HERC1: variants seen among roughly 807,000 people sequenced by gnomAD.
HERC1 encodes the protein HECT and RLD domain containing E3 ubiquitin protein ligase family member 1.
In HERC1, 160 loss-of-function variants were observed where a neutral mutation model predicts 554.3. That is an observed-to-expected ratio of 0.29 (90% CI 0.25 to 0.33). HERC1 has a LOEUF of 0.33. Ranked by LOEUF, HERC1 falls within the 10% of genes least tolerant of loss-of-function variation. The pLI, the probability that HERC1 is intolerant of heterozygous loss-of-function variation, is 1.00. For missense variants in HERC1, 4,919 were observed against 5,918.5 expected, an observed-to-expected ratio of 0.83 and a Z score of 5.54; for synonymous variants, 2,175 against 2,131.7, an observed-to-expected ratio of 1.02 and a Z score of -0.56.
At chr15:63,707,611 GC>G (rs1445093303) in intron 24 of HERC1, among the ~76,000 whole-genome samples, 1 of 152,090 alleles carries the variant, frequency 6.6e-6, no homozygotes, top group Admixed American at 6.6e-5. Context: ...AATCCAAAAA[GC>G]TTGTGTCAAA....
intron 1 of HERC1, among the ~76,000 whole-genome samples, chr15:63,797,369 A>G (rs2144589206): frequency 6.6e-6 from 1 of 152,302 alleles, no homozygotes; most frequent in East Asian, 1.9e-4. Context: ...CACTTCCTCA[A>G]TTACTCTTAT....
At chr15:63,823,254 T>A (rs866124538) in intron 1 of HERC1, among the ~76,000 whole-genome samples, 1 of 152,116 alleles carries the variant, frequency 6.6e-6, no homozygotes, top group Admixed American at 6.6e-5. Context: ...AACAAGCAGA[T>A]GAACTATGAC....
chr15:63,637,999 A>G (rs1213067552), intron 63 of HERC1, among the ~76,000 whole-genome samples: 1 of 152,190 alleles, frequency 6.6e-6, no homozygotes. Context: ...AAAGAAGAGC[A>G]AAAGAGAAAG....
Position 63,754,535 on chromosome 15 carries a change from T to C in HERC1, c.1744A>G (p.Thr582Ala), listed in dbSNP as rs2075357742. Residue 582 changes from threonine to alanine, a missense_variant, in exon 7 of 78, where the codon ACT (threonine) becomes GCT (alanine). This residue lies in a region of HERC1 where 744 missense variants were observed against 1,090.0 expected (regional missense o/e 0.68). Transcript: ENST00000443617. The stretch of plus-strand genomic sequence containing the variant: ...TCTCCTCCTCCAAAAGACCATACAG[T>C]TCTCCCATCTTTAGACAGAGCAATA... ...HTIALSKDGR[T>A]VWSFGGGDNG... 6 of 1,612,112 alleles carry C rather than the reference T, an allele frequency of 3.7e-6. No individual in the cohort carries two copies. The highest frequency in any genetic ancestry group is 4.2e-6 in the Non-Finnish European group (5 of 1,178,954).
At chr15:63,725,768 T>C (rs768170138) in intron 17 of HERC1, among the ~76,000 whole-genome samples, 1 of 152,206 alleles carries the variant, frequency 6.6e-6, no homozygotes, top group Non-Finnish European at 1.5e-5. Context: ...AAACAACATA[T>C]GACAACATTA....
At chr15:63,777,674 A>G (rs2076154470) in intron 1 of HERC1, among the ~76,000 whole-genome samples, 1 of 152,154 alleles carries the variant, frequency 6.6e-6, no homozygotes, top group Non-Finnish European at 1.5e-5. Context: ...TTTCTTCTAA[A>G]TCTATCTTTT....
chr15:63,733,257 T>A (rs2074370299), intron 13 of HERC1, 112 bp from the exon 14 acceptor site: 1 of 689,532 alleles, frequency 1.5e-6, no homozygotes, highest in Non-Finnish European at 2.5e-6. Flanking sequence ...TAATAAATAA[T>A]CATCTTCAGG....
rs748781821 is a variant in HERC1 at position 63,638,752 on chromosome 15, T to C, written c.11926A>G (p.Met3976Val). 3.7e-6 allele frequency: 6 copies of C among 1,613,700 alleles called. No homozygotes were observed. The highest frequency in any genetic ancestry group is 2.2e-5 in the East Asian group (1 of 44,886). The change falls in exon 62 of 78, where the codon ATG (methionine) becomes GTG (valine). Residue 3976 changes from methionine to valine, a missense_variant. Physicochemically the swap from Met to Val is conservative, Grantham distance 21 (BLOSUM62 1). This residue lies in a region of HERC1 where 1,963 missense variants were observed against 2,228.6 expected (regional missense o/e 0.88). Transcript: ENST00000443617. ...LMDNSKWING[M>V]DEQIMSWATS... is the part of the protein sequence containing the mutation. ...GCCCAAGACATAATTTGTTCATCCA[T>C]GCCGTTAATCCATTTACTGTTATCC...
At chr15:63,745,616 G>A (rs1393270921) in intron 12 of HERC1, among the ~76,000 whole-genome samples, 1 of 152,174 alleles carries the variant, frequency 6.6e-6, no homozygotes, top group East Asian at 1.9e-4. Flanking sequence ...GCACCATACT[G>A]CCACTGCTGC....
chr15:63,802,412 C>T (rs937866881), intron 1 of HERC1, among the ~76,000 whole-genome samples: 1 of 152,192 alleles, frequency 6.6e-6, no homozygotes, highest in African/African-American at 2.4e-5. Context: ...AACCTGGAAA[C>T]AGACGTGCCT....
chr15:63,678,332 G>T lies in HERC1; in HGVS notation c.6583C>A (p.Pro2195Thr). The T allele has an allele frequency of 6.2e-7, 1 of 1,610,262 alleles. No homozygotes were observed. The highest frequency in any genetic ancestry group is 8.5e-7 in the Non-Finnish European group (1 of 1,178,328). The part of the protein sequence containing the change: ...KICDMQMRGT[P>T]RDLLPGDPIC... Reference sequence around the variant, plus strand: ...GGGTCTCCTGGAAGTAAGTCTCGGGGTGTGCCACGCATCTGCATATCACAA... The same window carrying T: ...GGGTCTCCTGGAAGTAAGTCTCGGGTTGTGCCACGCATCTGCATATCACAA... Residue 2195 changes from proline (P) to threonine (T), a missense_variant, in exon 37 of 78, where the codon CCC (proline) becomes ACC (threonine). By Grantham distance (38) the Pro-to-Thr change is conservative. Transcript: ENST00000443617.
Position 63,756,796 on chromosome 15 carries a change from G to T in HERC1, c.1222-48C>A. The T allele has an allele frequency of 8.6e-7, 1 of 1,161,210 alleles. No individual in the cohort carries two copies. The highest frequency in any genetic ancestry group is 1.2e-6 in the Non-Finnish European group (1 of 838,368). 71.9% of individuals were successfully genotyped at this position (1,161,210 alleles called of 1,614,324 possible). A position where few individuals can be genotyped will look rare whatever the true frequency, so the allele number is the denominator to read the frequency against. On this transcript the variant is annotated intron_variant, in intron 4 of 77. Transcript: ENST00000443617. The surrounding 1 kb of genome is among the most constrained non-coding windows in gnomAD (Gnocchi z 5.0). ...ATAAAATACTTCTGTGAGTATCAAA[G>T]TATAATATTTAAGGCTGGTTTTATC...
rs987286779 is a variant in HERC1, at chr15:63,663,074, CTCA to C, written c.8808_8810del (p.Asp2936del). On this transcript the variant is annotated inframe_deletion, in exon 44 of 78. Coordinates refer to ENST00000443617, the MANE Select transcript of HERC1 (RefSeq NM_003922.4). ...CTTGTCCAAACATAGCTTCCATCGC[CTCA>C]TCATCAAGATCAATTTCCAATTCCT... The C allele has an allele frequency of 6.2e-7, 1 of 1,613,860 alleles. No homozygotes were observed. Among genetic ancestry groups the C allele is most frequent in the African/African-American group, 1.3e-5 (1 of 74,912 alleles).
intron 48 of HERC1, among the ~76,000 whole-genome samples, chr15:63,656,560 T>C (rs921030585): frequency 6.6e-6 from 1 of 152,208 alleles, no homozygotes; most frequent in Non-Finnish European, 1.5e-5. Context: ...TTAATAAGTA[T>C]TGGCATATAC....
At chr15:63,774,329 A>G (rs2076048649) in intron 2 of HERC1, among the ~76,000 whole-genome samples, 1 of 152,240 alleles carries the variant, frequency 6.6e-6, no homozygotes, top group Non-Finnish European at 1.5e-5. Context: ...AATGTTTAAC[A>G]TAAATTGGGA....
chr15:63,833,567 G>A (rs1032229541), intron 1 of HERC1, among the ~76,000 whole-genome samples: 2 of 151,906 alleles, frequency 1.3e-5, no homozygotes, highest in Non-Finnish European at 2.9e-5. Context: ...CGGCTTCTAC[G>A]CTGCTCCGAG....
At chr15:63,743,281 T>TTTA (rs1555433272) in intron 12 of HERC1, among the ~76,000 whole-genome samples, 1 of 145,186 alleles carries the variant, frequency 6.9e-6, no homozygotes, top group African/African-American at 2.5e-5. Flanking sequence ...TTTTTTTTTT[T>TTTA]AAATGGAGTC....
intron 26 of HERC1, among the ~76,000 whole-genome samples, chr15:63,697,058 A>G (rs1253086945): frequency 1.3e-5 from 2 of 152,178 alleles, no homozygotes; most frequent in African/African-American, 4.8e-5. Flanking sequence ...TTACATAACC[A>G]TGGTACATTT....
chr15:63,745,638 T>C (rs569390382), intron 12 of HERC1, among the ~76,000 whole-genome samples: 23 of 151,960 alleles, frequency 1.5e-4, no homozygotes, highest in African/African-American at 5.6e-4. Context: ...GGGGGAGGAG[T>C]GGCACTGCCT....
Sources: allele counts gnomAD v4.1 joint callset (sites outside exome capture counted in the v4.1 genomes callset), GRCh38; gene constraint gnomAD v4.1.1; regional missense constraint gnomAD v4.1.1; non-coding constraint Gnocchi (gnomAD v3.1); transcripts MANE v1.5; gene names NCBI Gene and HGNC (gene_info 2026-07-23, HGNC 2026-07-21).